CD2AP: variants seen among roughly 807,000 people sequenced by gnomAD.
The protein encoded by CD2AP is CD2-associated protein.
In CD2AP, 46 loss-of-function variants were observed where a neutral mutation model predicts 85.1. The observed-to-expected ratio is 0.54, with a 90% CI of 0.43 to 0.69. CD2AP has a LOEUF of 0.69. Among genes scored for constraint, CD2AP ranks in the 30% least tolerant of loss-of-function variants. The pLI is 0.00. For synonymous variants in CD2AP, 255 were observed against 252.9 expected (o/e 1.01, Z -0.08); for missense variants, 769 against 729.5 (o/e 1.05, Z -0.62).
intron 11 of CD2AP, among the ~76,000 whole-genome samples, chr6:47,595,082 C>T (rs1768903648): frequency 6.6e-6 from 1 of 151,934 alleles, no homozygotes; most frequent in South Asian, 2.1e-4. Context: ...CTCATGTATG[C>T]ATGTGTCAAT....
intron 1 of CD2AP, among the ~76,000 whole-genome samples, chr6:47,484,298 AT>A (rs1765513993): frequency 6.7e-6 from 1 of 149,978 alleles, no homozygotes; most frequent in Non-Finnish European, 1.5e-5. Context: ...TGAAGTAGGC[AT>A]TTTCCTTCTG....
chr6:47,564,567 T>G (rs1173717012), intron 5 of CD2AP, among the ~76,000 whole-genome samples: 1 of 152,152 alleles, frequency 6.6e-6, no homozygotes, highest in African/African-American at 2.4e-5. Flanking sequence ...ACAATAACTG[T>G]TCATTCTAAA....
intron 14 of CD2AP, 156 bp from the exon 15 acceptor site, chr6:47,607,771 G>C: frequency 1.7e-6 from 1 of 573,160 alleles, no homozygotes; most frequent in Non-Finnish European, 3.1e-6. Flanking sequence ...GTGTTATTCA[G>C]CTTGAAAGTA....
chr6:47,569,240 A>G (rs1768083171), intron 5 of CD2AP, among the ~76,000 whole-genome samples: 1 of 152,204 alleles, frequency 6.6e-6, no homozygotes, highest in Non-Finnish European at 1.5e-5. Context: ...GCAGTTGAAG[A>G]TGGAAACTCA....
At chr6:47,521,055 T>C (rs1766576590) in intron 2 of CD2AP, among the ~76,000 whole-genome samples, 1 of 152,086 alleles carries the variant, frequency 6.6e-6, no homozygotes, top group Non-Finnish European at 1.5e-5. Context: ...AATTATTTAT[T>C]TATTTTTTAC....
At chr6:47,609,331 A>C in intron 16 of CD2AP, 27 bp downstream of exon 16, 2 of 1,526,832 alleles carry the variant, frequency 1.3e-6, no homozygotes, top group Non-Finnish European at 1.8e-6. Context: ...TTCTCCTGTG[A>C]GTACTACTTA....
In CD2AP at chr6:47,533,578, CTTTA is replaced by C. The variant is rs904202233; in HGVS notation, c.166-16_166-13del. The C allele has an allele frequency of 1.2e-6, 2 of 1,609,866 alleles. No homozygotes were observed. The highest frequency in any genetic ancestry group is 1.7e-6 in the Non-Finnish European group (2 of 1,177,656). On this transcript the variant is annotated intron_variant, in intron 2 of 17. Transcript: ENST00000359314. ...ATAAAAAATATAACTTAACTTGCCTCTTTATTTATTTTCCCTTTTGTAGGAAATT... is the reference window on the plus strand; with the variant it reads ...ATAAAAAATATAACTTAACTTGCCTCTTTATTTTCCCTTTTGTAGGAAATT...
chr6:47,543,208 A>AT (rs2114042692), intron 3 of CD2AP, among the ~76,000 whole-genome samples: 1 of 149,818 alleles, frequency 6.7e-6, no homozygotes, highest in African/African-American at 2.4e-5. Context: ...AAAGAAAGCT[A>AT]TTTGGGAGTG....
chr6:47,488,025 CT>C (rs35093088), intron 1 of CD2AP, among the ~76,000 whole-genome samples: 3,310 of 127,588 alleles, frequency 0.026, 49 homozygotes, highest in Non-Finnish European at 0.032. Flanking sequence ...GGATGAGATC[CT>C]TTTTTTTTTT....
At chr6:47,495,028 TGGTGC>T (rs1724929188) in intron 1 of CD2AP, among the ~76,000 whole-genome samples, 1 of 151,936 alleles carries the variant, frequency 6.6e-6, no homozygotes. Context: ...CCATGCATGG[TGGTGC>T]ACCCCTATAG....
chr6:47,588,351 A>G (rs1455905588), intron 11 of CD2AP, among the ~76,000 whole-genome samples: 5 of 152,170 alleles, frequency 3.3e-5, no homozygotes, highest in Non-Finnish European at 7.4e-5. Context: ...CTTACTTGCC[A>G]TTGGTTCTCT....
At chr6:47,585,671 C>G (rs1450681242) in intron 11 of CD2AP, among the ~76,000 whole-genome samples, 2 of 152,116 alleles carry the variant, frequency 1.3e-5, no homozygotes, top group Non-Finnish European at 2.9e-5. Flanking sequence ...ACAGCGAGTA[C>G]TCAGATCTGT....
At chr6:47,518,486 T>C (rs1766507434) in intron 2 of CD2AP, among the ~76,000 whole-genome samples, 1 of 152,224 alleles carries the variant, frequency 6.6e-6, no homozygotes, top group Admixed American at 6.5e-5. Flanking sequence ...TTGTGTCTGC[T>C]CTCCTTTGCT....
intron 13 of CD2AP, among the ~76,000 whole-genome samples, chr6:47,604,397 C>T (rs1393146172): frequency 6.6e-6 from 1 of 152,004 alleles, no homozygotes; most frequent in Non-Finnish European, 1.5e-5. Flanking sequence ...ATACAGAAGA[C>T]ATTTTACATG....
At position 47,478,009 on chromosome 6, in the gene CD2AP, G is replaced by T; in HGVS notation, c.-236G>T. 1.7e-6 allele frequency: 1 copy of T among 588,116 alleles called. No individual in the cohort carries two copies. The highest frequency in any genetic ancestry group is 3.0e-6 in the Non-Finnish European group (1 of 333,076). 36.4% of individuals were successfully genotyped at this position (588,116 alleles called of 1,614,324 possible). A position where few individuals can be genotyped will look rare whatever the true frequency, so the allele number is the denominator to read the frequency against. ...CCCTCCCGCCGCCGTGGCTCCTGGGGAGGCCAGGGGTGAGGAGCTGTCGCC... is the reference window on the plus strand; with the variant it reads ...CCCTCCCGCCGCCGTGGCTCCTGGGTAGGCCAGGGGTGAGGAGCTGTCGCC... On this transcript the variant is annotated 5_prime_UTR_variant, in exon 1 of 18. Coordinates refer to ENST00000359314, the MANE Select transcript of CD2AP (RefSeq NM_012120.3).
At chr6:47,622,314 T>C (rs1769769400) in intron 17 of CD2AP, among the ~76,000 whole-genome samples, 1 of 152,206 alleles carries the variant, frequency 6.6e-6, no homozygotes, top group African/African-American at 2.4e-5. Context: ...CTGTGGAGTC[T>C]GCAAACCAGA....
intron 11 of CD2AP, among the ~76,000 whole-genome samples, chr6:47,594,193 G>T (rs1210637477): frequency 6.6e-6 from 1 of 152,026 alleles, no homozygotes; most frequent in Non-Finnish European, 1.5e-5. Context: ...AGTAGATAAA[G>T]GTGGTGGTTG....
intron 13 of CD2AP, among the ~76,000 whole-genome samples, chr6:47,602,105 A>G (rs1467153942): frequency 6.6e-6 from 1 of 151,930 alleles, no homozygotes; most frequent in Non-Finnish European, 1.5e-5. Context: ...TTGTTCACAG[A>G]TATGATTTTC....
intron 5 of CD2AP, 81 bp downstream of exon 5, chr6:47,554,847 C>A: frequency 7.3e-7 from 1 of 1,377,466 alleles, no homozygotes; most frequent in Non-Finnish European, 9.9e-7. Flanking sequence ...TTTTTTGAAA[C>A]TCTGTTCTTT....
Sources: gnomAD v4.1 joint callset for allele counts (sites outside exome capture counted in the v4.1 genomes callset) on GRCh38, gnomAD v4.1.1 for gene constraint, MANE v1.5 for transcripts, NCBI Gene and HGNC (gene_info 2026-07-23, HGNC 2026-07-21) for gene names.